The following DLG2 variants were observed in gnomAD, a reference collection of about 807,000 sequenced individuals.
DLG2 encodes the protein disks large homolog 2.
A neutral mutation model predicts 132.5 loss-of-function variants in DLG2; 45 were observed. The observed-to-expected ratio is 0.34, with a 90% CI of 0.27 to 0.44. DLG2 has a LOEUF of 0.44. Among genes scored for constraint, DLG2 ranks in the 20% least tolerant of loss-of-function variants. The pLI is 1.00. For synonymous variants in DLG2, 424 were observed against 419.6 expected, an observed-to-expected ratio of 1.01 and a Z score of -0.13; for missense variants, 1,045 against 1,196.9, an observed-to-expected ratio of 0.87 and a Z score of 1.87.
At chr11:84,300,053 G>A (rs543133719) in intron 7 of DLG2, among the ~76,000 whole-genome samples, 1 of 152,144 alleles carries the variant, frequency 6.6e-6, no homozygotes, top group South Asian at 2.1e-4. Context: ...TTGGGTGGAG[G>A]CTGCCTACAT....
At chr11:85,221,921 T>TTTTC (rs777141731) in intron 4 of DLG2, among the ~76,000 whole-genome samples, 30 of 151,892 alleles carry the variant, frequency 2.0e-4, no homozygotes, top group African/African-American at 2.7e-4. Flanking sequence ...CCAGAATACA[T>TTTTC]TTTCTTTCTT....
At chr11:85,173,117 G>C (rs2078992838) in intron 4 of DLG2, among the ~76,000 whole-genome samples, 1 of 152,022 alleles carries the variant, frequency 6.6e-6, no homozygotes, top group African/African-American at 2.4e-5. Flanking sequence ...AAAAAATCCA[G>C]GGAACCCCAG....
At chr11:85,463,681 G>A (rs540414573) in intron 3 of DLG2, among the ~76,000 whole-genome samples, 2 of 152,110 alleles carry the variant, frequency 1.3e-5, no homozygotes, top group Non-Finnish European at 2.9e-5. Flanking sequence ...TAAGGCGGGA[G>A]GATGACTTGA....
intron 19 of DLG2, among the ~76,000 whole-genome samples, chr11:83,590,207 A>G (rs1309914085): frequency 6.7e-6 from 1 of 149,930 alleles, no homozygotes; most frequent in Non-Finnish European, 1.5e-5. Flanking sequence ...GCACCACACC[A>G]CACCTATTCC....
At position 83,885,743 on chromosome 11, in the gene DLG2, G is replaced by A. The variant is rs7105580; in HGVS notation, c.1497-11255C>T. On this transcript the variant is annotated intron_variant, in intron 15 of 27. Coordinates refer to ENST00000376104, the MANE Select transcript of DLG2 (RefSeq NM_001142699.3). ...AAGGGAAGCCCATCAGACTAACAGC[G>A]GATCTCTTGGCAGAAACTCTACAAG... is the stretch of plus-strand genomic sequence containing the variant. Among the ~76,000 whole-genome samples, 651 of 152,266 alleles carry A rather than the reference G, an allele frequency of 4.3e-3. 7 individuals are homozygous for A. The highest frequency in any genetic ancestry group is 0.014 in the African/African-American group (585 of 41,518).
chr11:85,102,252 G>A (rs1476171406), intron 6 of DLG2, among the ~76,000 whole-genome samples: 5 of 152,012 alleles, frequency 3.3e-5, no homozygotes, highest in Non-Finnish European at 7.4e-5. Flanking sequence ...ATGATATGTT[G>A]CCAAAATAAG....
chr11:85,510,611 C>A (rs1402122291), intron 3 of DLG2, among the ~76,000 whole-genome samples: 2 of 152,008 alleles, frequency 1.3e-5, no homozygotes, highest in African/African-American at 2.4e-5. Flanking sequence ...AGCCAAAAAA[C>A]ACATGAAAAA....
chr11:84,364,644 G>A (rs2098670928), intron 7 of DLG2, among the ~76,000 whole-genome samples: 1 of 151,992 alleles, frequency 6.6e-6, no homozygotes, highest in Non-Finnish European at 1.5e-5. Flanking sequence ...ATTGGCTGTG[G>A]GTTTGTCATA....
intron 3 of DLG2, among the ~76,000 whole-genome samples, chr11:85,319,620 G>A (rs2080914542): frequency 6.6e-6 from 1 of 151,788 alleles, no homozygotes; most frequent in Non-Finnish European, 1.5e-5. Flanking sequence ...CACAAGGTAA[G>A]GTAGAGAAGA....
intron 16 of DLG2, among the ~76,000 whole-genome samples, chr11:83,850,469 T>A (rs567445393): frequency 5.9e-4 from 90 of 152,118 alleles, no homozygotes; most frequent in Middle Eastern, 6.8e-3. Flanking sequence ...AGTTTTCTAA[T>A]AGATAGGAGA....
chr11:84,322,888 C>A (rs1315991496), intron 7 of DLG2, among the ~76,000 whole-genome samples: 1 of 152,090 alleles, frequency 6.6e-6, no homozygotes, highest in African/African-American at 2.4e-5. Flanking sequence ...CCACGCCCAG[C>A]CGATAATTTC....
At chr11:85,261,418 A>T (rs2076934809) in intron 4 of DLG2, among the ~76,000 whole-genome samples, 1 of 151,828 alleles carries the variant, frequency 6.6e-6, no homozygotes, top group Non-Finnish European at 1.5e-5. Context: ...CAACAATGAC[A>T]AGTCTTTGGC....
At chr11:85,520,213 T>C (rs540597510) in intron 3 of DLG2, among the ~76,000 whole-genome samples, 1 of 152,010 alleles carries the variant, frequency 6.6e-6, no homozygotes, top group Non-Finnish European at 1.5e-5. Flanking sequence ...ATGATCAAAC[T>C]GAGAATAAAA....
At chr11:84,525,967 T>A (rs1242052582) in intron 7 of DLG2, among the ~76,000 whole-genome samples, 2 of 152,148 alleles carry the variant, frequency 1.3e-5, no homozygotes, top group East Asian at 3.9e-4. Flanking sequence ...GTGTATAATT[T>A]TTTTTCTCTG....
At chr11:84,775,885 A>C (rs2070382865) in intron 6 of DLG2, among the ~76,000 whole-genome samples, 1 of 152,212 alleles carries the variant, frequency 6.6e-6, no homozygotes, top group Non-Finnish European at 1.5e-5. Flanking sequence ...CGCAGAATCT[A>C]AAATAAAAGT....
intron 7 of DLG2, among the ~76,000 whole-genome samples, chr11:84,532,271 A>G (rs532341285): frequency 6.6e-6 from 1 of 152,168 alleles, no homozygotes; most frequent in African/African-American, 2.4e-5. Flanking sequence ...GATCCTACTC[A>G]TAAGACAAAA....
chr11:83,963,286 GA>G (rs2089333274), intron 13 of DLG2, among the ~76,000 whole-genome samples: 1 of 151,952 alleles, frequency 6.6e-6, no homozygotes, highest in Admixed American at 6.6e-5. Context: ...AACTGGAGAA[GA>G]GATCCAGCAC....
intron 6 of DLG2, among the ~76,000 whole-genome samples, chr11:84,716,659 A>T (rs887943031): frequency 1.1e-4 from 17 of 151,218 alleles, no homozygotes; most frequent in Non-Finnish European, 1.6e-4. Flanking sequence ...TGGCAAGCCC[A>T]TTCCCATAAA....
rs144143745 is a variant in DLG2 at position 84,950,968 on chromosome 11, T to C, written c.357+160693A>G. 9.5e-3 allele frequency among the ~76,000 whole-genome samples: 1,441 copies of C among 152,318 alleles called. 25 individuals carry two copies. Among genetic ancestry groups the C allele is most frequent in the African/African-American group, 0.033 (1,369 of 41,564 alleles). On this transcript the variant is annotated intron_variant, in intron 6 of 27. Coordinates refer to ENST00000376104, the MANE Select transcript of DLG2 (RefSeq NM_001142699.3). ...TACTTTAAATCTATTTTTACTTTGG[T>C]TTGTTTCACATGGTATTTAAAGTAG...
Sources: allele counts gnomAD v4.1 joint callset (sites outside exome capture counted in the v4.1 genomes callset), GRCh38; gene constraint gnomAD v4.1.1; transcripts MANE v1.5; gene names NCBI Gene and HGNC (gene_info 2026-07-23, HGNC 2026-07-21).